The following PARD3 variants were observed in gnomAD, a reference collection of about 807,000 sequenced individuals.
PARD3 encodes par-3 family cell polarity regulator, also known as partitioning defective 3 homolog.
A neutral mutation model predicts 155.4 loss-of-function variants in PARD3; 75 were observed. The observed-to-expected ratio is 0.48, with a 90% CI of 0.40 to 0.58. The LOEUF (loss-of-function observed/expected upper bound fraction) is 0.58, where lower values mean the gene tolerates loss of function less well. Among genes scored for constraint, PARD3 ranks in the 20% least tolerant of loss-of-function variants. The pLI is 0.00. For synonymous variants in PARD3, 576 were observed against 610.5 expected, an observed-to-expected ratio of 0.94 and a Z score of 0.83; for missense variants, 1,642 against 1,721.7, an observed-to-expected ratio of 0.95 and a Z score of 0.82.
intron 2 of PARD3, among the ~76,000 whole-genome samples, chr10:34,659,591 T>C (rs188351053): frequency 2.6e-5 from 4 of 152,304 alleles, no homozygotes; most frequent in East Asian, 3.9e-4. Context: ...AATAAAGGTG[T>C]ATGAATTCTT....
At chr10:34,481,209 T>C (rs2079063009) in intron 3 of PARD3, among the ~76,000 whole-genome samples, 1 of 152,024 alleles carries the variant, frequency 6.6e-6, no homozygotes, top group Admixed American at 6.6e-5. Context: ...TATTTATTTA[T>C]TTATTTATTT....
intron 2 of PARD3, among the ~76,000 whole-genome samples, chr10:34,598,384 T>G (rs1168309049): frequency 6.6e-6 from 1 of 152,210 alleles, no homozygotes; most frequent in African/African-American, 2.4e-5. Flanking sequence ...AGATGTCAGT[T>G]TGAAATTAAA....
intron 1 of PARD3, among the ~76,000 whole-genome samples, chr10:34,775,834 T>C (rs1051852321): frequency 2.0e-5 from 3 of 152,156 alleles, no homozygotes; most frequent in Non-Finnish European, 4.4e-5. Flanking sequence ...AAAAGACATA[T>C]CATAAGAACT....
chr10:34,536,661 T>C (rs2083255780), intron 2 of PARD3, among the ~76,000 whole-genome samples: 1 of 152,214 alleles, frequency 6.6e-6, no homozygotes, highest in African/African-American at 2.4e-5. Flanking sequence ...ATCTTTAGTG[T>C]GGACAGTGTC....
At chr10:34,588,287 G>A (rs567756027) in intron 2 of PARD3, among the ~76,000 whole-genome samples, 4 of 152,266 alleles carry the variant, frequency 2.6e-5, no homozygotes, top group African/African-American at 7.2e-5. Context: ...CTGCTGGCAC[G>A]CAGAGCTCAG....
At position 34,406,800 on chromosome 10, in the gene PARD3, G is replaced by GAA. The variant is rs369654163; in HGVS notation, c.715-4885_715-4884dup. ...ATATACAGAGAAAACAAAGCAACAT[G>GAA]AAAAAAAAAAAATTGCCCCAGGAGA... is the stretch of plus-strand genomic sequence containing the variant. On this transcript the variant is annotated intron_variant, in intron 5 of 24. Transcript: ENST00000374788. Among the ~76,000 whole-genome samples the GAA allele has an allele frequency of 5.0e-4, 72 of 143,196 alleles. 1 individual carries two copies. The highest frequency in any genetic ancestry group is 1.0e-3 in the Admixed American group (15 of 14,290). The allele number at this position is 143,196 out of a possible 152,430, so 93.9% of individuals were successfully genotyped here.
chr10:34,196,652 CA>C (rs1950956228), intron 22 of PARD3, among the ~76,000 whole-genome samples: 1 of 146,808 alleles, frequency 6.8e-6, no homozygotes, highest in Admixed American at 7.0e-5. Context: ...TGGCTCACTG[CA>C]AGCTCTGCCT....
At chr10:34,791,088 A>G (rs1282275416) in intron 1 of PARD3, among the ~76,000 whole-genome samples, 1 of 152,238 alleles carries the variant, frequency 6.6e-6, no homozygotes. Flanking sequence ...TTACTTCTCT[A>G]TTCAGTTAGA....
At chr10:34,156,782 A>T (rs1466160022) in intron 22 of PARD3, among the ~76,000 whole-genome samples, 1 of 152,098 alleles carries the variant, frequency 6.6e-6, no homozygotes, top group African/African-American at 2.4e-5. Context: ...AGACCAAACG[A>T]CTGCCCAGAC....
chr10:34,203,931 AAAG>A (rs1317161034), intron 22 of PARD3, among the ~76,000 whole-genome samples: 8 of 152,364 alleles, frequency 5.3e-5, no homozygotes, highest in African/African-American at 1.4e-4. Flanking sequence ...AATGTCTTTC[AAAG>A]AAGGTTCTAA....
At chr10:34,523,017 A>G (rs1313702099) in intron 2 of PARD3, among the ~76,000 whole-genome samples, 2 of 152,174 alleles carry the variant, frequency 1.3e-5, no homozygotes, top group Admixed American at 1.3e-4. Context: ...GATTAATCAA[A>G]CGTAATAACC....
At chr10:34,284,820 A>G (rs1315787783) in intron 20 of PARD3, among the ~76,000 whole-genome samples, 1 of 152,200 alleles carries the variant, frequency 6.6e-6, no homozygotes, top group Non-Finnish European at 1.5e-5. Context: ...TTCTCATCAA[A>G]TACTCTCCTA....
At chr10:34,460,956 G>C (rs2077613203) in intron 4 of PARD3, among the ~76,000 whole-genome samples, 1 of 152,156 alleles carries the variant, frequency 6.6e-6, no homozygotes, top group South Asian at 2.1e-4. Context: ...CCTAGGAATA[G>C]CAAGTATTCA....
At chr10:34,385,090 G>T (rs534801529) in intron 7 of PARD3, among the ~76,000 whole-genome samples, 2 of 152,184 alleles carry the variant, frequency 1.3e-5, no homozygotes, top group Admixed American at 6.5e-5. Flanking sequence ...AGCAACAGGG[G>T]TCTTAACCTA....
chr10:34,190,597 G>A (rs1025938433), intron 22 of PARD3, among the ~76,000 whole-genome samples: 5 of 152,086 alleles, frequency 3.3e-5, no homozygotes, highest in Non-Finnish European at 5.9e-5. Flanking sequence ...AAACACTGCC[G>A]TAGTCTTATC....
chr10:34,609,573 C>T (rs1435567621), intron 2 of PARD3, among the ~76,000 whole-genome samples: 1 of 152,176 alleles, frequency 6.6e-6, no homozygotes, highest in Non-Finnish European at 1.5e-5. Context: ...GACAAGGTCT[C>T]CCTTTGTCAC....
intron 2 of PARD3, among the ~76,000 whole-genome samples, chr10:34,628,912 A>G (rs1427476833): frequency 2.6e-5 from 4 of 152,256 alleles, no homozygotes; most frequent in African/African-American, 9.6e-5. Context: ...TGCAGGTGAC[A>G]TGAAAATTCC....
chr10:34,176,510 T>C (rs1201708281), intron 22 of PARD3, among the ~76,000 whole-genome samples: 1 of 152,206 alleles, frequency 6.6e-6, no homozygotes, highest in Admixed American at 6.5e-5. Flanking sequence ...GTTTCCACTT[T>C]GAGGAATGGT....
intron 7 of PARD3, among the ~76,000 whole-genome samples, chr10:34,387,936 T>C (rs886544495): frequency 6.6e-6 from 1 of 152,096 alleles, no homozygotes; most frequent in African/African-American, 2.4e-5. Flanking sequence ...TAACATACAG[T>C]AGAAATTCTA....
Sources: allele counts gnomAD v4.1 joint callset (sites outside exome capture counted in the v4.1 genomes callset), GRCh38; gene constraint gnomAD v4.1.1; transcripts MANE v1.5; gene names NCBI Gene and HGNC (gene_info 2026-07-23, HGNC 2026-07-21).